KMT2D: variants seen among roughly 807,000 people sequenced by gnomAD.
KMT2D encodes lysine methyltransferase 2D.
A neutral mutation model predicts 512.7 loss-of-function variants in KMT2D; 55 were observed. The ratio of observed to expected loss-of-function variants is 0.11; its 90% confidence interval spans 0.09 to 0.13. KMT2D has a LOEUF of 0.13. KMT2D is among the 10% of genes least tolerant of loss of function. The pLI is 1.00. For missense variants in KMT2D, 6,061 were observed against 7,127.9 expected (o/e 0.85, Z 5.39); for synonymous variants, 2,995 against 2,904.0 (o/e 1.03, Z -1.01).
In KMT2D at chr12:49,041,673, G is replaced by A; in HGVS notation, c.6216C>T (p.Arg2072=). The A allele has an allele frequency of 6.2e-7, 1 of 1,613,034 alleles. No homozygotes were observed. Among genetic ancestry groups the A allele is most frequent in the Non-Finnish European group, 8.5e-7 (1 of 1,179,442 alleles). Reference sequence around the variant, plus strand: ...CACTCACCTTCTGCACCTTGTTGATGCGGTGAGCTGCCCGGTTATCTTTGG... The same window carrying A: ...CACTCACCTTCTGCACCTTGTTGATACGGTGAGCTGCCCGGTTATCTTTGG... ...QKAKDNRAAH[R]INKVQKQAES... is the part of the protein sequence containing the mutation. Residue 2072 remains arginine, a synonymous_variant, in exon 31 of 55, where the codon CGC becomes CGT. Transcript: ENST00000301067. This position sits in a 1 kb window ranked among gnomAD's most constrained non-coding sequence, Gnocchi z 5.4.
Position 49,037,466 on chromosome 12 carries a change from A to G in KMT2D, c.9890T>C (p.Leu3297Ser), listed in dbSNP as rs2120479526. The G allele has an allele frequency of 6.4e-7, 1 of 1,568,710 alleles. No individual in the cohort carries two copies. Among genetic ancestry groups the G allele is most frequent in the Non-Finnish European group, 8.6e-7 (1 of 1,156,832 alleles). The stretch of plus-strand genomic sequence containing the variant: ...ACTGGGAGAAGAGCCCTCATGTGGC[A>G]AAGACATGGCCTGGGCAGGGCCTGG... ...SAPGPAQAMS[L>S]PHEGSSPSLA... The change falls in exon 35 of 55, where the codon TTG becomes TCG. Residue 3297 changes from leucine (L) to serine (S), a missense_variant. Around this residue, in one of 16 missense-constraint regions of KMT2D, gnomAD observed 533 missense variants for 539.6 expected, o/e 0.99. Transcript: ENST00000301067.
Position 49,038,091 on chromosome 12 carries a change from C to T in KMT2D, c.9265G>A (p.Val3089Met). ...TCAGGGCCCAAGGGTCCTGGCTCCA[C>T]CCCCCGCAGCAGGGCCTCCCGTTCA... ...KAEREALLRG[V>M]EPGPLGPEER... The change falls in exon 35 of 55, where the codon GTG (valine) becomes ATG (methionine). Residue 3089 changes from valine to methionine, a missense_variant. This residue lies in a region of KMT2D where 533 missense variants were observed against 539.6 expected (regional missense o/e 0.99). Coordinates refer to ENST00000301067, the MANE Select transcript of KMT2D (RefSeq NM_003482.4). The surrounding 1 kb of genome is among the most constrained non-coding windows in gnomAD (Gnocchi z 5.7). 1 of 1,613,692 alleles carries T rather than the reference C, an allele frequency of 6.2e-7. No homozygotes were observed. The highest frequency in any genetic ancestry group is 8.5e-7 in the Non-Finnish European group (1 of 1,179,836).
chr12:49,029,086 G>A lies in KMT2D; in HGVS notation c.14226C>T (p.Pro4742=), dbSNP rs1229281996. The change falls in exon 45 of 55, where the codon CCC becomes CCT. Residue 4742 remains proline, a synonymous_variant. Transcript: ENST00000301067. ...CTGGGATGCTGGCCCGAGGAATGAG[G>A]GGGATGACAGGGGAGAGGGCCCGGT... ...QEDRALSPVI[P]LIPRASIPVF... 1 of 1,606,020 alleles carries A rather than the reference G, an allele frequency of 6.2e-7. No individual in the cohort carries two copies. Among genetic ancestry groups the A allele is most frequent in the Non-Finnish European group, 8.5e-7 (1 of 1,173,698 alleles).
At position 49,043,364 on chromosome 12, in the gene KMT2D, T is replaced by C; in HGVS notation, c.5532A>G (p.Pro1844=). The change falls in exon 25 of 55, where the codon CCA becomes CCG. Residue 1844 remains proline (P), a splice_region_variant and synonymous_variant. Coordinates refer to ENST00000301067, the MANE Select transcript of KMT2D (RefSeq NM_003482.4). ...SRGLEGKADT[P]GPEDGGVKAS... is the part of the protein sequence containing the mutation. ...CACAGTAACCCCGGCAGCCCTCACC[T>C]GGTGTATCGGCTTTGCCCTCGAGGC... The C allele has an allele frequency of 6.2e-7, 1 of 1,613,800 alleles. No homozygotes were observed. Among genetic ancestry groups the C allele is most frequent in the South Asian group, 1.1e-5 (1 of 91,084 alleles).
rs773776168 is a variant in KMT2D, at chr12:49,043,987, C to A, written c.5200G>T (p.Asp1734Tyr). The change falls in exon 23 of 55, where the codon GAC (aspartate) becomes TAC (tyrosine). Residue 1734 changes from aspartate to tyrosine, a missense_variant. Physicochemically the swap from Asp to Tyr is radical, Grantham distance 160 (BLOSUM62 -3). Coordinates refer to ENST00000301067, the MANE Select transcript of KMT2D (RefSeq NM_003482.4). ...DGQPDEVIPADLPAEGAVEQS... is the reference protein window; with the variant it reads ...DGQPDEVIPAYLPAEGAVEQS... ...TCCACGGCGCCCTCTGCAGGCAGGT[C>A]AGCAGGTATCACTGTGGACAGAACG... The A allele has an allele frequency of 2.5e-6, 4 of 1,614,002 alleles. No homozygotes were observed. Among genetic ancestry groups the A allele is most frequent in the Non-Finnish European group, 3.4e-6 (4 of 1,179,878 alleles).
chr12:49,035,698 T>A (rs1439605446), intron 35 of KMT2D: 1 of 152,268 alleles, frequency 6.6e-6, no homozygotes, highest in African/African-American at 2.4e-5. Flanking sequence ...TAGCTGTGAT[T>A]ACAGGTGCCC....
intron 42 of KMT2D, 33 bp from the exon 43 acceptor site, chr12:49,030,472 G>T: frequency 7.3e-7 from 1 of 1,369,874 alleles, no homozygotes; most frequent in Non-Finnish European, 1.0e-6. Context: ...TTGTGTGCAA[G>T]ATGGCATAGG....
chr12:49,041,724 A>G lies in KMT2D; in HGVS notation c.6184-19T>C. 1.9e-6 allele frequency: 3 copies of G among 1,605,774 alleles called. No homozygotes were observed. Among genetic ancestry groups the G allele is most frequent in the South Asian group, 1.1e-5 (1 of 89,976 alleles). ...CCTTTTGCTGAGGGATATGGGACAC[A>G]GCCTTAGGGCCTAGTGCTTGGTCTC... On this transcript the variant is annotated intron_variant, in intron 30 of 54. Transcript: ENST00000301067. The surrounding 1 kb of genome is among the most constrained non-coding windows in gnomAD (Gnocchi z 5.4).
Position 49,031,326 on chromosome 12 carries a change from T to G in KMT2D, c.13379A>C (p.His4460Pro), listed in dbSNP as rs2120418762. ...CCGGAGTAGCTTCTGCAAGAGCAGA[T>G]GCCCAGCTTCTGAGCGAGGGCCTGC... ...LLAGPRSEAG[H>P]LLLQKLLRAK... Residue 4460 changes from histidine (H) to proline (P), a missense_variant, in exon 40 of 55, where the codon CAT becomes CCT. Coordinates refer to ENST00000301067, the MANE Select transcript of KMT2D (RefSeq NM_003482.4). 6.2e-7 allele frequency: 1 copy of G among 1,613,630 alleles called. No homozygotes were observed. Among genetic ancestry groups the G allele is most frequent in the Non-Finnish European group, 8.5e-7 (1 of 1,179,896 alleles).
In KMT2D at chr12:49,053,623, A is replaced by G. The variant is rs765552604; in HGVS notation, c.692T>C (p.Val231Ala). The G allele has an allele frequency of 2.3e-5, 37 of 1,595,774 alleles. No homozygotes were observed. The highest frequency in any genetic ancestry group is 3.4e-6 in the Non-Finnish European group (4 of 1,171,728). Residue 231 changes from valine (V) to alanine (A), a missense_variant, in exon 7 of 55, where the codon GTG becomes GCG. By Grantham distance (64) the Val-to-Ala change is moderately conservative. Around this residue, in one of 16 missense-constraint regions of KMT2D, gnomAD observed 160 missense variants for 225.8 expected, o/e 0.71. Transcript: ENST00000301067. ...AAYLEEARCA[V>A]CEGPGELCDL... ...ACACAACTCCCCTGGCCCCTCACAC[A>G]CTGCACAGCGAGCCTCCTCTGCAGG...
rs969154912 is a variant in KMT2D, at chr12:49,042,955, C to T, written c.5645-77G>A. ...ACCACAGGTCTACAAATGATCATGG[C>T]CAGGAACAGTCCAGGACTCCCCACC... is the stretch of plus-strand genomic sequence containing the variant. On this transcript the variant is annotated intron_variant, in intron 26 of 54. Transcript: ENST00000301067. This position sits in a 1 kb window ranked among gnomAD's most constrained non-coding sequence, Gnocchi z 4.4. The T allele has an allele frequency of 2.5e-6, 4 of 1,591,052 alleles. No homozygotes were observed. The highest frequency in any genetic ancestry group is 3.4e-6 in the Non-Finnish European group (4 of 1,161,370).
At chr12:49,055,857 C>T (rs752814635) in intron 1 of KMT2D, among the ~76,000 whole-genome samples, 30 of 152,198 alleles carry the variant, frequency 2.0e-4, no homozygotes, top group Non-Finnish European at 3.7e-4. Context: ...TGAGGCACTG[C>T]AAGAGATGTA....
rs1943813495 is a variant in KMT2D, at chr12:49,046,887, C to T, written c.4237-97G>A. On this transcript the variant is annotated intron_variant, in intron 15 of 54. Coordinates refer to ENST00000301067, the MANE Select transcript of KMT2D (RefSeq NM_003482.4). This position sits in a 1 kb window ranked among gnomAD's most constrained non-coding sequence, Gnocchi z 4.2. The stretch of plus-strand genomic sequence containing the variant: ...GGAGATGGAGTTTTGCTCTTGTTCC[C>T]CAGGCTGGAGTGCAATGGCGCGATC... 8.4e-7 allele frequency: 1 copy of T among 1,196,400 alleles called. No homozygotes were observed. The highest frequency in any genetic ancestry group is 2.6e-5 in the East Asian group (1 of 38,676). The allele number at this position is 1,196,400 out of a possible 1,614,324, so 74.1% of individuals were successfully genotyped here.
rs2120489235 is a variant in KMT2D, at chr12:49,038,017, A to G, written c.9339T>C (p.Ser3113=). Residue 3113 remains serine (S), a synonymous_variant, in exon 35 of 55, where the codon TCT becomes TCC. Transcript: ENST00000301067. The surrounding 1 kb of genome is among the most constrained non-coding windows in gnomAD (Gnocchi z 5.7). ...AADASEPRLA[S]VLPEVKPKVE... Reference sequence around the variant, plus strand: ...CCTTGGGCTTCACCTCAGGGAGCACAGATGCCAGGCGGGGTTCAGAGGCAT... The same window carrying G: ...CCTTGGGCTTCACCTCAGGGAGCACGGATGCCAGGCGGGGTTCAGAGGCAT... 1.2e-6 allele frequency: 2 copies of G among 1,607,876 alleles called. No homozygotes were observed. The highest frequency in any genetic ancestry group is 1.7e-6 in the Non-Finnish European group (2 of 1,177,350).
chr12:49,022,476 C>T lies in KMT2D; in HGVS notation c.16338+114G>A. The T allele has an allele frequency of 6.6e-7, 1 of 1,506,158 alleles. No individual in the cohort carries two copies. The highest frequency in any genetic ancestry group is 9.1e-7 in the Non-Finnish European group (1 of 1,098,910). 93.3% of individuals were successfully genotyped at this position (1,506,158 alleles called of 1,614,324 possible). ...TGTTGCATGTACTTCATTTCTCCTG[C>T]CTTTCCCTTCTCCCCACCACAGCTT... On this transcript the variant is annotated intron_variant, in intron 52 of 54. Transcript: ENST00000301067. This position sits in a 1 kb window ranked among gnomAD's most constrained non-coding sequence, Gnocchi z 8.6.
chr12:49,059,303 G>A (rs967834072), intron 1 of KMT2D, among the ~76,000 whole-genome samples: 2 of 152,166 alleles, frequency 1.3e-5, no homozygotes, highest in East Asian at 3.9e-4. Flanking sequence ...TGGCATCAGG[G>A]CCCGGGTCCT....
rs770978212 is a variant in KMT2D at position 49,039,249 on chromosome 12, G to A, written c.8339C>T (p.Thr2780Met). 2.9e-5 allele frequency: 46 copies of A among 1,613,600 alleles called. No homozygotes were observed. The African/African-American group carries it at 2.9e-4, about 10-fold the overall frequency. Residue 2780 changes from threonine (T) to methionine (M), a missense_variant, in exon 34 of 55, where the codon ACG becomes ATG. By Grantham distance (81) the Thr-to-Met change is moderately conservative. Coordinates refer to ENST00000301067, the MANE Select transcript of KMT2D (RefSeq NM_003482.4). The surrounding 1 kb of genome is among the most constrained non-coding windows in gnomAD (Gnocchi z 5.0). ...DRLSRPPPPA[T>M]PSSMDVNSRQ... Reference sequence around the variant, plus strand: ...GCTGTTCACATCCATAGAGGAAGGCGTGGCTGGTGGAGGTGGCCGGGAGAG... The same window carrying A: ...GCTGTTCACATCCATAGAGGAAGGCATGGCTGGTGGAGGTGGCCGGGAGAG...
In KMT2D at chr12:49,041,339, T is replaced by C. The variant is rs2120545459; in HGVS notation, c.6431A>G (p.Lys2144Arg). 6.5e-7 allele frequency: 1 copy of C among 1,549,324 alleles called. No individual in the cohort carries two copies. The highest frequency in any genetic ancestry group is 8.7e-7 in the Non-Finnish European group (1 of 1,148,236). The change falls in exon 32 of 55, where the codon AAG (lysine) becomes AGG (arginine). Residue 2144 changes from lysine to arginine, a missense_variant. Lys to Arg is a conservative substitution (Grantham distance 26). Around this residue, in one of 16 missense-constraint regions of KMT2D, gnomAD observed 710 missense variants for 647.3 expected, o/e 1.10. Transcript: ENST00000301067. This position sits in a 1 kb window ranked among gnomAD's most constrained non-coding sequence, Gnocchi z 5.4. ...GCCAGGCACCGAGCCCGCCGGCGGCTTCAGGAACCCGTCCGCAGAGGTAGA... is the reference window on the plus strand; with the variant it reads ...GCCAGGCACCGAGCCCGCCGGCGGCCTCAGGAACCCGTCCGCAGAGGTAGA... ...GLSTSADGFLKPPAGSVPGPD... is the reference protein window; with the variant it reads ...GLSTSADGFLRPPAGSVPGPD...
At chr12:49,055,413 C>G (rs1262412226) in intron 1 of KMT2D, 52 bp from the exon 2 acceptor site, 1 of 1,254,988 alleles carries the variant, frequency 8.0e-7, no homozygotes, top group Non-Finnish European at 1.1e-6. Flanking sequence ...TCCCAAGAAG[C>G]ATTTTTCCCA....
Sources: allele counts gnomAD v4.1 joint callset (sites outside exome capture counted in the v4.1 genomes callset), GRCh38; gene constraint gnomAD v4.1.1; regional missense constraint gnomAD v4.1.1; non-coding constraint Gnocchi (gnomAD v3.1); transcripts MANE v1.5; gene names NCBI Gene and HGNC (gene_info 2026-07-23, HGNC 2026-07-21).